The following PRDM11 variants were observed in gnomAD, a reference collection of about 807,000 sequenced individuals.
PRDM11 encodes the protein PR/SET domain 11, also known as PR domain-containing protein 11.
Under a neutral mutation model 97.8 loss-of-function variants are expected in PRDM11, and 20 were observed. The ratio of observed to expected loss-of-function variants is 0.20; its 90% CI spans 0.14 to 0.30. PRDM11 has a LOEUF of 0.30. Ranked by LOEUF, PRDM11 falls within the 10% of genes least tolerant of loss-of-function variation. PRDM11 has a pLI of 1.00. For missense variants in PRDM11, 1,139 were observed against 1,555.2 expected (o/e 0.73, Z 4.50); for synonymous variants, 599 against 637.7 (o/e 0.94, Z 0.91).
At chr11:45,099,227 C>A (rs1472441589) in intron 1 of PRDM11, among the ~76,000 whole-genome samples, 1 of 151,990 alleles carries the variant, frequency 6.6e-6, no homozygotes, top group East Asian at 1.9e-4. Flanking sequence ...CTGAGGTGGG[C>A]AGATTGCCTG....
At chr11:45,185,889 A>G (rs899101769) in intron 4 of PRDM11, among the ~76,000 whole-genome samples, 13 of 152,056 alleles carry the variant, frequency 8.5e-5, no homozygotes. Context: ...GGGTGGGCCC[A>G]GTGTAATCAC....
intron 1 of PRDM11, among the ~76,000 whole-genome samples, chr11:45,117,219 T>C (rs116444696): frequency 0.03 from 2,572 of 86,770 alleles, 86 homozygotes; most frequent in African/African-American, 0.11. Flanking sequence ...GAGATGAGAC[T>C]CCATCTCAAA....
chr11:45,138,777 T>A (rs2135663106), intron 1 of PRDM11, among the ~76,000 whole-genome samples: 1 of 144,438 alleles, frequency 6.9e-6, no homozygotes, highest in South Asian at 2.1e-4. Flanking sequence ...AAATCTAAGA[T>A]TTTTTTTTTA....
intron 1 of PRDM11, among the ~76,000 whole-genome samples, chr11:45,113,830 T>TGTG (rs1324042757): frequency 1.3e-4 from 5 of 38,412 alleles, no homozygotes; most frequent in African/African-American, 3.0e-4. Flanking sequence ...GTGTGTTTTG[T>TGTG]TTTTTTTTTT....
chr11:45,121,622 T>C (rs1281847872), intron 1 of PRDM11, among the ~76,000 whole-genome samples: 1 of 152,180 alleles, frequency 6.6e-6, no homozygotes, highest in Non-Finnish European at 1.5e-5. Flanking sequence ...CAACATTATA[T>C]TGAATAACTG....
chr11:45,180,426 C>T (rs1003363543), intron 1 of PRDM11, among the ~76,000 whole-genome samples: 2 of 152,062 alleles, frequency 1.3e-5, no homozygotes, highest in South Asian at 2.1e-4. Context: ...GCCCGGCCTC[C>T]GCGGCGCTGT....
chr11:45,226,320 G>A lies in PRDM11; in HGVS notation c.1695G>A (p.Leu565=), dbSNP rs1421604314. The change falls in exon 8 of 8, where the codon CTG becomes CTA. Residue 565 remains leucine, a synonymous_variant. Transcript: ENST00000683152. ...TCAAACTTCACAGCCAGAGCAACCT[G>A]CACAAGAAGTGCCTGCAACTGTACA... ...HTIKLHSQSN[L]HKKCLQLYKL... 33 of 1,533,830 alleles carry A rather than the reference G, an allele frequency of 2.2e-5. No homozygotes were observed. Among genetic ancestry groups the A allele is most frequent in the Non-Finnish European group, 2.6e-5 (30 of 1,146,750 alleles).
chr11:45,110,442 G>A (rs191480283), intron 1 of PRDM11, among the ~76,000 whole-genome samples: 2 of 152,226 alleles, frequency 1.3e-5, no homozygotes, highest in Non-Finnish European at 2.9e-5. Context: ...CCAGGTAGGA[G>A]TTTGAGGAAT....
At chr11:45,119,611 T>C (rs4755310) in intron 1 of PRDM11, among the ~76,000 whole-genome samples, 133,233 of 133,546 alleles carry the variant, frequency 1, 66,460 homozygotes, top group Middle Eastern at 1. Flanking sequence ...GACAGCGAGA[T>C]TCTGTCTCAA....
rs1852536427 is a variant in PRDM11 at position 45,182,298 on chromosome 11, G to T, written c.172G>T (p.Gly58Trp). 1 of 1,613,934 alleles carries T rather than the reference G, an allele frequency of 6.2e-7. No homozygotes were observed. The highest frequency in any genetic ancestry group is 1.7e-5 in the Admixed American group (1 of 60,002). ...AMEVEPKKLK[G>W]KRDLIVPKSF... is the part of the protein sequence containing the mutation. ...GGAAGTTGAGCCCAAGAAACTGAAGGGGAAGCGCGACCTCATCGTGCCCAA... is the reference window on the plus strand; with the variant it reads ...GGAAGTTGAGCCCAAGAAACTGAAGTGGAAGCGCGACCTCATCGTGCCCAA... The change falls in exon 3 of 8, where the codon GGG (glycine) becomes TGG (tryptophan). Residue 58 changes from glycine (G) to tryptophan (W), a missense_variant. By Grantham distance (184) the Gly-to-Trp change is radical (BLOSUM62 -2). Transcript: ENST00000683152.
At chr11:45,161,525 A>T (rs915566588) in intron 1 of PRDM11, among the ~76,000 whole-genome samples, 5 of 152,178 alleles carry the variant, frequency 3.3e-5, no homozygotes, top group African/African-American at 1.2e-4. Context: ...CCCATCCTTC[A>T]GGCAGGTTTC....
chr11:45,210,290 C>T (rs1166597325), intron 5 of PRDM11, among the ~76,000 whole-genome samples: 1 of 152,224 alleles, frequency 6.6e-6, no homozygotes, highest in Non-Finnish European at 1.5e-5. Context: ...TCCCTCTGTA[C>T]TTGTCCCTGC....
upstream of PRDM11, among the ~76,000 whole-genome samples, chr11:45,144,908 T>C (rs886369794): frequency 6.6e-6 from 1 of 152,190 alleles, no homozygotes; most frequent in African/African-American, 2.4e-5. Flanking sequence ...ATTGAAGTTA[T>C]CTGCGAGTGC....
At position 45,233,396 on chromosome 11, in the gene PRDM11, C is replaced by T. The variant is rs1337927154; in HGVS notation, c.*5237C>T. ...GAAGGAGATACCCCCTGAGCTCCAG[C>T]TGAGGTGCCCCCTACCTCTCCCCAC... is the stretch of plus-strand genomic sequence containing the variant. On this transcript the variant is annotated 3_prime_UTR_variant, in exon 8 of 8. Coordinates refer to ENST00000683152, the MANE Select transcript of PRDM11 (RefSeq NM_001384648.1). 6.6e-6 allele frequency: 1 copy of T among 152,328 alleles called. No homozygotes were observed. Among genetic ancestry groups the T allele is most frequent in the African/African-American group, 2.4e-5 (1 of 41,428 alleles). The allele number at this position is 152,328 out of a possible 1,614,324, so 9.4% of individuals were successfully genotyped here.
intron 1 of PRDM11, among the ~76,000 whole-genome samples, chr11:45,171,399 C>T (rs970488277): frequency 1.6e-4 from 25 of 152,250 alleles, no homozygotes; most frequent in African/African-American, 6.0e-4. Flanking sequence ...CGTGCCCAGC[C>T]GGTTATGTGG....
chr11:45,116,835 T>C (rs1472245982), intron 1 of PRDM11, among the ~76,000 whole-genome samples: 1 of 152,134 alleles, frequency 6.6e-6, no homozygotes, highest in South Asian at 2.1e-4. Flanking sequence ...GAACATCTTG[T>C]AGCTCTAGAA....
Position 45,230,514 on chromosome 11 carries a change from A to G in PRDM11, c.*2355A>G, listed in dbSNP as rs1054430182. ...GTGGTCAAATGGGATGCTGTTGCAA[A>G]GCACCAGGTCCCACCTGGCCCAGCC... On this transcript the variant is annotated 3_prime_UTR_variant, in exon 8 of 8. Coordinates refer to ENST00000683152, the MANE Select transcript of PRDM11 (RefSeq NM_001384648.1). 1 of 152,258 alleles carries G rather than the reference A, an allele frequency of 6.6e-6. No individual in the cohort carries two copies. Among genetic ancestry groups the G allele is most frequent in the Non-Finnish European group, 1.5e-5 (1 of 68,082 alleles). The allele number at this position is 152,258 out of a possible 1,614,324, so 9.4% of individuals were successfully genotyped here.
At chr11:45,095,856 G>T in exon 1 of PRDM11, 1 of 780,250 alleles carries the variant, frequency 1.3e-6, no homozygotes, top group Non-Finnish European at 2.4e-6. Context: ...TGGAGTGCCG[G>T]GCCTGCCTGA....
In PRDM11 at chr11:45,123,183, T is replaced by A. The variant is rs536487436; in HGVS notation, c.96+27282T>A. Among the ~76,000 whole-genome samples the A allele has an allele frequency of 3.3e-5, 5 of 152,332 alleles. No homozygotes were observed. The South Asian group carries it at 1.0e-3, about 32-fold the overall frequency. Reference sequence around the variant, plus strand: ...TTCATATCCTCCCCCCACTTTTTGATAGGGTTGTTTGTCTTTTTCTTGTAA... The same window carrying A: ...TTCATATCCTCCCCCCACTTTTTGAAAGGGTTGTTTGTCTTTTTCTTGTAA... On this transcript the variant is annotated intron_variant, in intron 1 of 6. Transcript: ENST00000530656.
Sources: allele counts gnomAD v4.1 joint callset (sites outside exome capture counted in the v4.1 genomes callset), GRCh38; gene constraint gnomAD v4.1.1; transcripts MANE v1.5; gene names NCBI Gene and HGNC (gene_info 2026-07-23, HGNC 2026-07-21).